MGAT4C: variants seen among roughly 807,000 people sequenced by gnomAD.
MGAT4C encodes the protein alpha-1,3-mannosyl-glycoprotein 4-beta-N-acetylglucosaminyltransferase C.
MGAT4C carries 19 observed loss-of-function variants against 40.1 expected under a neutral mutation model. The ratio of observed to expected loss-of-function variants is 0.47; its 90% confidence interval spans 0.33 to 0.70. The LOEUF is 0.70. MGAT4C is among the 30% of genes least tolerant of loss of function. The pLI is 0.02. For missense variants in MGAT4C, 491 were observed against 563.2 expected (o/e 0.87, Z 1.30); for synonymous variants, 181 against 187.1 (o/e 0.97, Z 0.27).
At chr12:86,153,115 C>G (rs1884498046) in intron 1 of MGAT4C, among the ~76,000 whole-genome samples, 1 of 152,028 alleles carries the variant, frequency 6.6e-6, no homozygotes, top group African/African-American at 2.4e-5. Context: ...TGGAGAGTAC[C>G]AAAGGGTCAC....
At position 86,496,496 on chromosome 12, in the gene MGAT4C, G is replaced by T. The variant is rs939194306; in HGVS notation, c.-228-61231C>A. Reference sequence around the variant, plus strand: ...GAGAAGGTACATTATACAGAGTCATGAATGTCAATACCTAAAATTATGTGG... The same window carrying T: ...GAGAAGGTACATTATACAGAGTCATTAATGTCAATACCTAAAATTATGTGG... On this transcript the variant is annotated intron_variant, in intron 2 of 7. Coordinates refer to the MGAT4C transcript ENST00000548651. 5.3e-4 allele frequency among the ~76,000 whole-genome samples: 80 copies of T among 151,990 alleles called. 1 individual carries two copies. Among genetic ancestry groups the T allele is most frequent in the African/African-American group, 1.8e-3 (74 of 41,432 alleles).
intron 2 of MGAT4C, among the ~76,000 whole-genome samples, chr12:86,516,901 A>G (rs1363263543): frequency 1.3e-5 from 2 of 152,184 alleles, no homozygotes; most frequent in East Asian, 3.9e-4. Flanking sequence ...CTTAACATTC[A>G]AAAGACAAAC....
At chr12:86,815,540 C>A (rs1177193286) in intron 1 of MGAT4C, among the ~76,000 whole-genome samples, 1 of 150,326 alleles carries the variant, frequency 6.7e-6, no homozygotes, top group African/African-American at 2.4e-5. Flanking sequence ...AAAAAAAATA[C>A]ATGTACACAC....
At position 86,356,496 on chromosome 12, in the gene MGAT4C, G is replaced by A. The variant is rs551226100; in HGVS notation, c.-119-22369C>T. 1.6e-4 allele frequency among the ~76,000 whole-genome samples: 25 copies of A among 152,168 alleles called. No individual in the cohort carries two copies. The South Asian group carries it at 2.5e-3, about 15-fold the overall frequency. ...TTGTTGGACACTGGGTGCAGCGCAC[G>A]GAGCATGAGACAAAGCAGGGCAGGG... is the stretch of plus-strand genomic sequence containing the variant. On this transcript the variant is annotated intron_variant, in intron 3 of 7. Transcript: ENST00000548651.
At chr12:86,719,243 T>C (rs955369392) in intron 2 of MGAT4C, among the ~76,000 whole-genome samples, 2 of 152,162 alleles carry the variant, frequency 1.3e-5, no homozygotes, top group Non-Finnish European at 2.9e-5. Context: ...ATGTCTCATA[T>C]ATTGTAATAT....
chr12:86,572,707 A>C (rs1960413564), intron 2 of MGAT4C, among the ~76,000 whole-genome samples: 1 of 152,098 alleles, frequency 6.6e-6, no homozygotes, highest in Non-Finnish European at 1.5e-5. Context: ...ACACATGATT[A>C]AACAAACCAG....
At chr12:86,810,181 ATG>A (rs1193885619) in intron 1 of MGAT4C, among the ~76,000 whole-genome samples, 2 of 151,836 alleles carry the variant, frequency 1.3e-5, no homozygotes, top group African/African-American at 2.4e-5. Context: ...TTATATTGAA[ATG>A]TGTTTTTTAA....
chr12:86,763,545 A>G (rs1951442671), intron 1 of MGAT4C, among the ~76,000 whole-genome samples: 1 of 152,192 alleles, frequency 6.6e-6, no homozygotes, highest in South Asian at 2.1e-4. Flanking sequence ...TTGTATCACC[A>G]ATGTCCATAT....
rs1185263034 is a variant in MGAT4C at position 86,603,502 on chromosome 12, ATATATAG to A, written c.-229+123700_-229+123706del. The stretch of plus-strand genomic sequence containing the variant: ...GTCTATAGACTATATAATATATACT[ATATATAG>A]TCTATAGTCTATAGACTATATATAG... On this transcript the variant is annotated intron_variant, in intron 2 of 7. Transcript: ENST00000548651. 1.6e-4 allele frequency among the ~76,000 whole-genome samples: 9 copies of A among 54,966 alleles called. No homozygotes were observed. The South Asian group carries it at 3.9e-3, about 24-fold the overall frequency. The allele number at this position is 54,966 out of a possible 152,430, so 36.1% of individuals were successfully genotyped here.
chr12:86,034,512 G>T (rs1891043028), intron 2 of MGAT4C, among the ~76,000 whole-genome samples: 1 of 148,796 alleles, frequency 6.7e-6, no homozygotes, highest in African/African-American at 2.4e-5. Context: ...TTTTTTTCCA[G>T]ATTTTCTACC....
intron 1 of MGAT4C, among the ~76,000 whole-genome samples, chr12:86,762,437 C>T (rs148869119): frequency 1.6e-3 from 245 of 152,228 alleles, no homozygotes; most frequent in African/African-American, 5.7e-3. Flanking sequence ...CAACTGAGGT[C>T]TCATTTCTTA....
intron 2 of MGAT4C, among the ~76,000 whole-genome samples, chr12:86,566,688 ATAT>A (rs1415021216): frequency 2.1e-5 from 3 of 145,746 alleles, no homozygotes; most frequent in Non-Finnish European, 4.5e-5. Context: ...ATATATGTAT[ATAT>A]TATATGTATT....
chr12:86,802,135 C>A (rs1269035945), intron 1 of MGAT4C, among the ~76,000 whole-genome samples: 1 of 151,780 alleles, frequency 6.6e-6, no homozygotes, highest in African/African-American at 2.4e-5. Context: ...AGCTTTATAC[C>A]ACACAAGGTG....
intron 2 of MGAT4C, among the ~76,000 whole-genome samples, chr12:86,622,355 A>T (rs1385059877): frequency 6.6e-6 from 1 of 152,142 alleles, no homozygotes; most frequent in Non-Finnish European, 1.5e-5. Flanking sequence ...GGATTTCCTC[A>T]AGTCACTACT....
Position 85,976,755 on chromosome 12 carries a change from T to C in MGAT4C, c.*2534A>G, listed in dbSNP as rs371322545. On this transcript the variant is annotated 3_prime_UTR_variant, in exon 5 of 5. Transcript: ENST00000611864. ...TTAAAAATAGCAAATAGTTTGAGTATAGTTAAACCTAATAACTGTACTTTT... is the reference window on the plus strand; with the variant it reads ...TTAAAAATAGCAAATAGTTTGAGTACAGTTAAACCTAATAACTGTACTTTT... 2.1e-4 allele frequency: 31 copies of C among 149,670 alleles called. No homozygotes were observed. The East Asian group carries it at 5.1e-3, about 24-fold the overall frequency. 9.3% of individuals were successfully genotyped at this position (149,670 alleles called of 1,614,324 possible).
chr12:86,134,629 T>A (rs1400442273), intron 1 of MGAT4C, among the ~76,000 whole-genome samples: 1 of 152,160 alleles, frequency 6.6e-6, no homozygotes, highest in Non-Finnish European at 1.5e-5. Flanking sequence ...TTTTGTCATG[T>A]AGTTACAGCT....
chr12:86,079,620 A>G (rs144646949), intron 1 of MGAT4C, among the ~76,000 whole-genome samples: 299 of 152,252 alleles, frequency 2.0e-3, no homozygotes, highest in African/African-American at 6.7e-3. Flanking sequence ...CAGCAAGGAA[A>G]ATAGGAATTT....
At chr12:86,706,735 A>AAACAAC (rs1950466382) in intron 2 of MGAT4C, among the ~76,000 whole-genome samples, 2 of 152,184 alleles carry the variant, frequency 1.3e-5, no homozygotes, top group Admixed American at 6.5e-5. Context: ...ACAAAAACAA[A>AAACAAC]AACAACAACC....
At chr12:86,278,355 T>C (rs1339940573) in intron 4 of MGAT4C, among the ~76,000 whole-genome samples, 2 of 151,978 alleles carry the variant, frequency 1.3e-5, no homozygotes, top group African/African-American at 4.8e-5. Context: ...ATTTTTGTAT[T>C]TTTAGTAGAA....
Sources: gnomAD v4.1 joint callset for allele counts (sites outside exome capture counted in the v4.1 genomes callset) on GRCh38, gnomAD v4.1.1 for gene constraint, MANE v1.5 for transcripts, NCBI Gene and HGNC (gene_info 2026-07-23, HGNC 2026-07-21) for gene names.